GRXCR1: variants seen among roughly 807,000 people sequenced by gnomAD.
The protein encoded by GRXCR1 is glutaredoxin domain-containing cysteine-rich protein 1.
Under a neutral mutation model 27.3 loss-of-function variants are expected in GRXCR1, and 27 were observed. The ratio of observed to expected loss-of-function variants is 0.99; its 90% CI spans 0.73 to 1.37. The LOEUF (loss-of-function observed/expected upper bound fraction) is 1.37, where lower values mean the gene tolerates loss of function less well. Ranked by LOEUF, GRXCR1 falls within the 40% of genes most tolerant of loss-of-function variation. The pLI, the probability that GRXCR1 is intolerant of heterozygous loss-of-function variation, is 0.00. For missense variants in GRXCR1, 379 were observed against 354.4 expected (o/e 1.07, Z -0.56); for synonymous variants, 122 against 131.1 (o/e 0.93, Z 0.47).
rs1746274538 is a variant in GRXCR1 at position 42,893,319 on chromosome 4, T to C, written c.53T>C (p.Phe18Ser). 1 of 1,613,750 alleles carries C rather than the reference T, an allele frequency of 6.2e-7. No homozygotes were observed. The highest frequency in any genetic ancestry group is 8.5e-7 in the Non-Finnish European group (1 of 1,179,774). The change falls in exon 1 of 4, where the codon TTT becomes TCT. Residue 18 changes from phenylalanine (F) to serine (S), a missense_variant. Transcript: ENST00000399770. ...PESDRPRKVR[F>S]RIASSHSGRV... is the part of the protein sequence containing the mutation. ...AGTGACAGGCCACGGAAAGTCCGGT[T>C]TCGGATCGCGTCCTCTCACAGTGGG...
At chr4:42,976,424 T>C (rs1253130573) in intron 2 of GRXCR1, among the ~76,000 whole-genome samples, 1 of 152,084 alleles carries the variant, frequency 6.6e-6, no homozygotes, top group Non-Finnish European at 1.5e-5. Context: ...CTTTAAAAGA[T>C]GCTATGTATA....
intron 1 of GRXCR1, among the ~76,000 whole-genome samples, chr4:42,918,083 A>G: frequency 6.6e-6 from 1 of 152,128 alleles, no homozygotes; most frequent in East Asian, 1.9e-4. Flanking sequence ...GGTGTTGTCA[A>G]TGGTCTTTCT....
intron 1 of GRXCR1, among the ~76,000 whole-genome samples, chr4:42,928,000 T>G (rs1747212594): frequency 6.6e-6 from 1 of 151,998 alleles, no homozygotes; most frequent in African/African-American, 2.4e-5. Flanking sequence ...AGCTCAATCC[T>G]GTATAGAACA....
chr4:42,991,332 TTTATTGTC>T (rs1711966751), intron 2 of GRXCR1, among the ~76,000 whole-genome samples: 1 of 152,074 alleles, frequency 6.6e-6, no homozygotes, highest in Non-Finnish European at 1.5e-5. Context: ...CCCATTTATA[TTTATTGTC>T]TTAAACAAAA....
At position 42,984,220 on chromosome 4, in the gene GRXCR1, C is replaced by T. The variant is rs116725232; in HGVS notation, c.627+21086C>T. 3.9e-3 allele frequency among the ~76,000 whole-genome samples: 589 copies of T among 152,288 alleles called. 2 individuals are homozygous for T. The highest frequency in any genetic ancestry group is 0.013 in the African/African-American group (551 of 41,568). On this transcript the variant is annotated intron_variant, in intron 2 of 3. Coordinates refer to ENST00000399770, the MANE Select transcript of GRXCR1 (RefSeq NM_001080476.3). Reference sequence around the variant, plus strand: ...TTTTGCTCATTGTATTTTTCAACACCAGGGTTTCTGTTTGATATAAAAACA... The same window carrying T: ...TTTTGCTCATTGTATTTTTCAACACTAGGGTTTCTGTTTGATATAAAAACA...
intron 3 of GRXCR1, among the ~76,000 whole-genome samples, chr4:43,026,734 A>G (rs1713269057): frequency 6.6e-6 from 1 of 152,188 alleles, no homozygotes; most frequent in South Asian, 2.1e-4. Flanking sequence ...TAACTTGATA[A>G]TTACTTTTTA....
At chr4:43,030,164 G>A (rs181734213) in intron 3 of GRXCR1, among the ~76,000 whole-genome samples, 197 bp from the exon 4 acceptor site, 9 of 152,298 alleles carry the variant, frequency 5.9e-5, no homozygotes, top group African/African-American at 2.2e-4. Context: ...GCCATTGGCG[G>A]GGGAATGAAG....
At chr4:42,928,953 C>T (rs928395654) in intron 1 of GRXCR1, among the ~76,000 whole-genome samples, 25 of 152,002 alleles carry the variant, frequency 1.6e-4, no homozygotes, top group Non-Finnish European at 2.4e-4. Context: ...GCACTTTCTC[C>T]CCATCTAGAA....
At chr4:42,938,481 A>G (rs955169528) in intron 1 of GRXCR1, among the ~76,000 whole-genome samples, 1 of 151,938 alleles carries the variant, frequency 6.6e-6, no homozygotes, top group Admixed American at 6.6e-5. Flanking sequence ...TGGTAGTTCC[A>G]TAACAGTTTT....
At chr4:42,943,084 G>A (rs1673072781) in intron 1 of GRXCR1, among the ~76,000 whole-genome samples, 1 of 152,060 alleles carries the variant, frequency 6.6e-6, no homozygotes, top group South Asian at 2.1e-4. Context: ...AGAGGTACCA[G>A]AGTTAAATCC....
At chr4:42,993,425 T>C (rs1335120494) in intron 2 of GRXCR1, among the ~76,000 whole-genome samples, 1 of 152,098 alleles carries the variant, frequency 6.6e-6, no homozygotes, top group Non-Finnish European at 1.5e-5. Context: ...TAGTTTTTAA[T>C]TGCAGATGCT....
At chr4:43,004,357 G>A (rs28797511) in intron 2 of GRXCR1, among the ~76,000 whole-genome samples, 2,968 of 152,332 alleles carry the variant, frequency 0.019, 101 homozygotes, top group African/African-American at 0.068. Context: ...CTAGGGAACT[G>A]CAGAAGGGAA....
rs577386441 is a variant in GRXCR1 at position 42,991,045 on chromosome 4, CT to C, written c.627+27915del. Reference sequence around the variant, plus strand: ...TGGAAGGTCTATATTATGATTTAATCTTTTATTCTTGTAACATAATTATCTT... The same window carrying C: ...TGGAAGGTCTATATTATGATTTAATCTTTATTCTTGTAACATAATTATCTT... On this transcript the variant is annotated intron_variant, in intron 2 of 3. Transcript: ENST00000399770. 3.9e-4 allele frequency among the ~76,000 whole-genome samples: 59 copies of C among 152,064 alleles called. No homozygotes were observed. The East Asian group carries it at 0.011, about 27-fold the overall frequency.
At chr4:42,998,461 T>A (rs1167620889) in intron 2 of GRXCR1, among the ~76,000 whole-genome samples, 1 of 152,054 alleles carries the variant, frequency 6.6e-6, no homozygotes, top group East Asian at 1.9e-4. Flanking sequence ...ATAGAAAATA[T>A]GGAAAGGACA....
intron 2 of GRXCR1, among the ~76,000 whole-genome samples, chr4:43,007,196 C>A (rs981294264): frequency 6.6e-6 from 1 of 152,164 alleles, no homozygotes; most frequent in Non-Finnish European, 1.5e-5. Context: ...TCCAATGAGG[C>A]CACCAATGGC....
At chr4:43,009,845 T>C (rs951271722) in intron 2 of GRXCR1, among the ~76,000 whole-genome samples, 1 of 152,200 alleles carries the variant, frequency 6.6e-6, no homozygotes, top group African/African-American at 2.4e-5. Context: ...CAGCAATACA[T>C]TTCTCTATAT....
intron 2 of GRXCR1, among the ~76,000 whole-genome samples, chr4:42,997,090 A>G (rs1207402774): frequency 6.6e-6 from 1 of 152,144 alleles, no homozygotes; most frequent in African/African-American, 2.4e-5. Context: ...CTTTGATGTC[A>G]TTTATATGTA....
chr4:43,016,147 G>A (rs1215106217), intron 2 of GRXCR1, among the ~76,000 whole-genome samples: 1 of 152,142 alleles, frequency 6.6e-6, no homozygotes, highest in Non-Finnish European at 1.5e-5. Context: ...AGCTTATTGT[G>A]TAAAATAGAT....
intron 2 of GRXCR1, among the ~76,000 whole-genome samples, chr4:42,983,796 A>G (rs551850725): frequency 4.8e-5 from 7 of 146,856 alleles, no homozygotes; most frequent in Non-Finnish European, 9.1e-5. Flanking sequence ...CTCTAAGTGT[A>G]TATTTTCAAG....
Sources: allele counts gnomAD v4.1 joint callset (sites outside exome capture counted in the v4.1 genomes callset), GRCh38; gene constraint gnomAD v4.1.1; transcripts MANE v1.5; gene names NCBI Gene and HGNC (gene_info 2026-07-23, HGNC 2026-07-21).